Variants in FAM168A observed in about 807,000 individuals in gnomAD.
The protein encoded by FAM168A is family with sequence similarity 168 member A.
In FAM168A, 3 loss-of-function variants were observed where a neutral mutation model predicts 28.5. The ratio of observed to expected loss-of-function variants is 0.11; its 90% CI spans 0.05 to 0.27. The LOEUF (loss-of-function observed/expected upper bound fraction) is 0.27, where lower values mean the gene tolerates loss of function less well. Ranked by LOEUF, FAM168A falls within the 10% of genes least tolerant of loss-of-function variation. The pLI is 1.00. For synonymous variants in FAM168A, 122 were observed against 124.2 expected, an observed-to-expected ratio of 0.98 and a Z score of 0.12; for missense variants, 222 against 311.5, an observed-to-expected ratio of 0.71 and a Z score of 2.16.
At chr11:73,454,266 C>A (rs552887401) in intron 2 of FAM168A, among the ~76,000 whole-genome samples, 1 of 152,154 alleles carries the variant, frequency 6.6e-6, no homozygotes, top group Non-Finnish European at 1.5e-5. Context: ...AGAGATCTAA[C>A]AAAAATTTAA....
chr11:73,461,574 T>G (rs1477741848), intron 2 of FAM168A, among the ~76,000 whole-genome samples: 1 of 152,168 alleles, frequency 6.6e-6, no homozygotes, highest in Non-Finnish European at 1.5e-5. Context: ...ATAAATAGGA[T>G]GAGCAGGAGA....
chr11:73,521,340 G>A (rs922856265), intron 1 of FAM168A, among the ~76,000 whole-genome samples: 2 of 151,956 alleles, frequency 1.3e-5, no homozygotes, highest in African/African-American at 4.8e-5. Context: ...GTTCCTCAGG[G>A]ACAAGAGAGC....
chr11:73,580,305 G>T, intron 1 of FAM168A: 1 of 569,872 alleles, frequency 1.8e-6, no homozygotes, highest in South Asian at 1.4e-5. Flanking sequence ...CAAGGTGAAG[G>T]ATGAACCACA....
At chr11:73,518,365 G>T (rs913604516) in intron 1 of FAM168A, among the ~76,000 whole-genome samples, 1 of 150,732 alleles carries the variant, frequency 6.6e-6, no homozygotes, top group Non-Finnish European at 1.5e-5. Context: ...TGAAATAAAA[G>T]AAATTTTAAA....
intron 1 of FAM168A, among the ~76,000 whole-genome samples, chr11:73,505,509 A>G (rs1028141344): frequency 2.0e-5 from 3 of 152,334 alleles, no homozygotes; most frequent in Non-Finnish European, 4.4e-5. Flanking sequence ...TGTTATTATT[A>G]TGAATGGAGA....
intron 2 of FAM168A, among the ~76,000 whole-genome samples, chr11:73,445,431 T>C (rs1157387254): frequency 8.0e-5 from 10 of 125,778 alleles, no homozygotes; most frequent in African/African-American, 3.3e-4. Context: ...TTTTTTTTTT[T>C]TTTTTTTTTT....
At chr11:73,450,342 G>A (rs537800136) in intron 2 of FAM168A, among the ~76,000 whole-genome samples, 2 of 152,314 alleles carry the variant, frequency 1.3e-5, no homozygotes, top group Admixed American at 6.5e-5. Flanking sequence ...ATGGGAGATA[G>A]GTCCATTAGA....
intron 1 of FAM168A, among the ~76,000 whole-genome samples, chr11:73,489,133 C>A (rs1590811698): frequency 6.6e-6 from 1 of 152,278 alleles, no homozygotes; most frequent in East Asian, 1.9e-4. Flanking sequence ...CCCGCCTTGG[C>A]CTCCAAAAGT....
chr11:73,547,438 T>C (rs773234544), intron 1 of FAM168A, among the ~76,000 whole-genome samples: 11 of 151,774 alleles, frequency 7.2e-5, no homozygotes, highest in African/African-American at 1.5e-4. Context: ...CTATTGAAAA[T>C]AGTATATCTG....
intron 2 of FAM168A, among the ~76,000 whole-genome samples, chr11:73,445,311 A>T (rs1217152948): frequency 1.3e-5 from 2 of 151,524 alleles, no homozygotes; most frequent in African/African-American, 4.9e-5. Context: ...ATTTTCAATT[A>T]ATCTCTTATT....
intron 2 of FAM168A, among the ~76,000 whole-genome samples, chr11:73,451,807 T>G (rs1867435798): frequency 6.6e-6 from 1 of 152,234 alleles, no homozygotes; most frequent in African/African-American, 2.4e-5. Context: ...TGCCTAATTG[T>G]TGCATTTCTC....
chr11:73,425,007 A>G (rs1210440784), intron 3 of FAM168A: 2 of 1,526,274 alleles, frequency 1.3e-6, no homozygotes, highest in Admixed American at 2.0e-5. Flanking sequence ...AGATGAGGAA[A>G]AATAGCTTTC....
At chr11:73,587,706 G>A (rs1944331953) in intron 1 of FAM168A, among the ~76,000 whole-genome samples, 1 of 151,812 alleles carries the variant, frequency 6.6e-6, no homozygotes, top group South Asian at 2.1e-4. Flanking sequence ...TTATACATCT[G>A]TTTCATATTC....
rs1456672415 is a variant in FAM168A at position 73,468,457 on chromosome 11, G to A, written c.18C>T (p.Ser6=). The stretch of plus-strand genomic sequence containing the variant: ...CATAAGGAGCCCCAGGCTGCACGGG[G>A]CTGTAAACAGGGTTCATTGTGGAAG... MNPVY[S]PVQPGAPYGN... is the part of the protein sequence containing the mutation. The change falls in exon 2 of 8, where the codon AGC becomes AGT. Residue 6 remains serine, a synonymous_variant. Coordinates refer to ENST00000356467, the MANE Select transcript of FAM168A (RefSeq NM_015159.3). The A allele has an allele frequency of 1.9e-6, 3 of 1,613,988 alleles. No individual in the cohort carries two copies. The highest frequency in any genetic ancestry group is 1.3e-5 in the African/African-American group (1 of 74,926).
At chr11:73,568,911 C>G (rs1176910175) in intron 1 of FAM168A, among the ~76,000 whole-genome samples, 1 of 152,026 alleles carries the variant, frequency 6.6e-6, no homozygotes, top group Non-Finnish European at 1.5e-5. Flanking sequence ...AAAAACAAAA[C>G]TGAAAAACTA....
chr11:73,580,172 C>T (rs1288612771), intron 1 of FAM168A: 3 of 404,522 alleles, frequency 7.4e-6, no homozygotes, highest in African/African-American at 6.3e-5. Flanking sequence ...TGAGAACGAC[C>T]CCCAGACCAA....
intron 1 of FAM168A, among the ~76,000 whole-genome samples, chr11:73,497,182 G>C (rs974795292): frequency 6.6e-6 from 1 of 152,022 alleles, no homozygotes; most frequent in Non-Finnish European, 1.5e-5. Context: ...AGGAACTACT[G>C]TCGGCCAGGC....
intron 3 of FAM168A, chr11:73,424,936 G>T: frequency 7.9e-6 from 9 of 1,144,600 alleles, no homozygotes; most frequent in Non-Finnish European, 1.1e-5. Context: ...ATGGGATTTG[G>T]GGAGGAGAGG....
chr11:73,411,264 C>T (rs1866605064), intron 5 of FAM168A, 130 bp downstream of exon 5: 7 of 1,042,362 alleles, frequency 6.7e-6, no homozygotes, highest in Non-Finnish European at 9.7e-6. Context: ...TTCAGTGATA[C>T]AACAAGGACG....
Sources: gnomAD v4.1 joint callset for allele counts (sites outside exome capture counted in the v4.1 genomes callset) on GRCh38, gnomAD v4.1.1 for gene constraint, MANE v1.5 for transcripts, NCBI Gene and HGNC (gene_info 2026-07-23, HGNC 2026-07-21) for gene names.